Variants in BBS9 observed in about 807,000 individuals in gnomAD.
BBS9 encodes protein PTHB1.
In BBS9, 89 loss-of-function variants were observed where a neutral mutation model predicts 117.7. The observed-to-expected ratio is 0.76, with a 90% CI of 0.64 to 0.90. The LOEUF (loss-of-function observed/expected upper bound fraction) is 0.90, where lower values mean the gene tolerates loss of function less well. Ranked by LOEUF, BBS9 falls within the 40% of genes least tolerant of loss-of-function variation. The pLI is 0.00. For synonymous variants in BBS9, 379 were observed against 370.9 expected (o/e 1.02, Z -0.25); for missense variants, 982 against 1,042.2 (o/e 0.94, Z 0.80).
At chr7:33,545,759 T>G (rs1033373515) in intron 21 of BBS9, among the ~76,000 whole-genome samples, 2 of 152,000 alleles carry the variant, frequency 1.3e-5, no homozygotes, top group Non-Finnish European at 2.9e-5. Flanking sequence ...CATTCTGAAA[T>G]AGATATAAAT....
chr7:33,444,875 C>T (rs1836764944), intron 19 of BBS9, among the ~76,000 whole-genome samples: 1 of 152,194 alleles, frequency 6.6e-6, no homozygotes, highest in Non-Finnish European at 1.5e-5. Flanking sequence ...ATATGCAGAC[C>T]TTAAAATACA....
At chr7:33,454,707 C>T (rs1421008032) in intron 19 of BBS9, among the ~76,000 whole-genome samples, 4 of 152,190 alleles carry the variant, frequency 2.6e-5, no homozygotes, top group Admixed American at 1.3e-4. Context: ...TAGGCTTGTG[C>T]ACACCTGCTA....
chr7:33,353,336 C>A (rs1050993324), intron 15 of BBS9, among the ~76,000 whole-genome samples: 1 of 152,082 alleles, frequency 6.6e-6, no homozygotes, highest in African/African-American at 2.4e-5. Context: ...TATTCCTTGT[C>A]TTGTTTAGAA....
At chr7:33,387,544 G>A (rs893075861) in intron 18 of BBS9, among the ~76,000 whole-genome samples, 3 of 152,068 alleles carry the variant, frequency 2.0e-5, no homozygotes, top group East Asian at 1.9e-4. Flanking sequence ...GTGTGTTTGT[G>A]TGTTTGTTTG....
chr7:33,211,564 A>T (rs1273130798), intron 5 of BBS9, among the ~76,000 whole-genome samples: 2 of 151,896 alleles, frequency 1.3e-5, no homozygotes, highest in Non-Finnish European at 2.9e-5. Context: ...TGTCTTGAAA[A>T]TTTTTTGTAA....
chr7:33,167,114 A>C (rs1268607185), intron 4 of BBS9, among the ~76,000 whole-genome samples: 1 of 152,186 alleles, frequency 6.6e-6, no homozygotes, highest in East Asian at 1.9e-4. Flanking sequence ...CAGGAAGCAC[A>C]AGGTGGCTGT....
intron 5 of BBS9, among the ~76,000 whole-genome samples, chr7:33,204,475 A>G (rs59056279): frequency 0.2 from 29,645 of 151,652 alleles, 3,074 homozygotes; most frequent in Non-Finnish European, 0.23. Flanking sequence ...TAAGGGAACA[A>G]ATAATGAAGC....
intron 20 of BBS9, among the ~76,000 whole-genome samples, chr7:33,513,566 T>C (rs1328825212): frequency 6.6e-6 from 1 of 152,202 alleles, no homozygotes; most frequent in East Asian, 1.9e-4. Context: ...GAAAAGGAAG[T>C]ATACTACCTC....
intron 5 of BBS9, among the ~76,000 whole-genome samples, chr7:33,225,572 A>G (rs1468542191): frequency 6.6e-6 from 1 of 151,392 alleles, no homozygotes; most frequent in Non-Finnish European, 1.5e-5. Context: ...TGGTTCATCA[A>G]CCCTTTTGAC....
intron 20 of BBS9, among the ~76,000 whole-genome samples, chr7:33,521,509 T>G (rs1848590117): frequency 6.6e-6 from 1 of 152,206 alleles, no homozygotes; most frequent in Non-Finnish European, 1.5e-5. Flanking sequence ...TCCAATAGAT[T>G]GTTTCCATTT....
rs549916583 is a variant in BBS9, at chr7:33,344,291, G to A, written c.1276-290G>A. Among the ~76,000 whole-genome samples, 21 of 150,838 alleles carry A rather than the reference G, an allele frequency of 1.4e-4. 2 individuals are homozygous for A. Among genetic ancestry groups the A allele is most frequent in the South Asian group, 2.1e-4 (1 of 4,694 alleles). ...AGAGACGGGGTTTCACGGTGGTCTC[G>A]ATCTCCTGACCTCATAATCCACCCA... On this transcript the variant is annotated intron_variant, in intron 11 of 22. Coordinates refer to ENST00000242067, the MANE Select transcript of BBS9 (RefSeq NM_198428.3).
intron 21 of BBS9, among the ~76,000 whole-genome samples, chr7:33,596,438 T>G (rs1242271985): frequency 6.6e-6 from 1 of 151,880 alleles, no homozygotes; most frequent in Admixed American, 6.6e-5. Context: ...CCTTTACCAA[T>G]TGGGTGCTCT....
chr7:33,494,908 T>C (rs1178806713), intron 19 of BBS9, among the ~76,000 whole-genome samples: 1 of 152,226 alleles, frequency 6.6e-6, no homozygotes, highest in Non-Finnish European at 1.5e-5. Flanking sequence ...TTTCACTCCA[T>C]GTGAAACCAG....
At chr7:33,337,694 G>A (rs944574817) in intron 10 of BBS9, among the ~76,000 whole-genome samples, 1 of 152,086 alleles carries the variant, frequency 6.6e-6, no homozygotes, top group African/African-American at 2.4e-5. Flanking sequence ...GTCAAATAGA[G>A]AGTGGTTAAA....
At chr7:33,553,766 A>AT (rs1854834507) in intron 21 of BBS9, among the ~76,000 whole-genome samples, 1 of 152,126 alleles carries the variant, frequency 6.6e-6, no homozygotes, top group Non-Finnish European at 1.5e-5. Context: ...AGTTTAACAG[A>AT]TTTTTTTAAA....
chr7:33,367,866 A>C lies in BBS9; in HGVS notation c.1789+4A>C. ...GTTCTTGCTTCCAAAACTTCTCGTAAGTAAAACCATGTTATCATTGCTTTT... is the reference window on the plus strand; with the variant it reads ...GTTCTTGCTTCCAAAACTTCTCGTACGTAAAACCATGTTATCATTGCTTTT... On this transcript the variant is annotated splice_donor_region_variant and intron_variant, in intron 17 of 22. Coordinates refer to ENST00000242067, the MANE Select transcript of BBS9 (RefSeq NM_198428.3). The C allele has an allele frequency of 6.2e-7, 1 of 1,612,884 alleles. No individual in the cohort carries two copies. Among genetic ancestry groups the C allele is most frequent in the Non-Finnish European group, 8.5e-7 (1 of 1,178,970 alleles).
At chr7:33,596,606 G>T (rs919635128) in intron 21 of BBS9, among the ~76,000 whole-genome samples, 3 of 152,056 alleles carry the variant, frequency 2.0e-5, no homozygotes, top group Admixed American at 6.6e-5. Context: ...CCTTGTGTAA[G>T]TCCTTGTCTG....
intron 9 of BBS9, among the ~76,000 whole-genome samples, chr7:33,281,550 CTT>C (rs1403130408): frequency 6.6e-6 from 1 of 150,682 alleles, no homozygotes; most frequent in Admixed American, 6.6e-5. Context: ...ATTAAAAATT[CTT>C]TTTTTTATAG....
At chr7:33,426,059 A>T (rs779108135) in intron 19 of BBS9, among the ~76,000 whole-genome samples, 9 of 152,198 alleles carry the variant, frequency 5.9e-5, no homozygotes, top group Non-Finnish European at 1.0e-4. Context: ...TGTGGAGTAA[A>T]ATATTGGCAT....
Sources: allele counts gnomAD v4.1 joint callset (sites outside exome capture counted in the v4.1 genomes callset), GRCh38; gene constraint gnomAD v4.1.1; transcripts MANE v1.5; gene names NCBI Gene and HGNC (gene_info 2026-07-23, HGNC 2026-07-21).